ALK: variants seen among roughly 807,000 people sequenced by gnomAD.
The protein encoded by ALK is ALK receptor tyrosine kinase.
A neutral mutation model predicts 163.1 loss-of-function variants in ALK; 74 were observed. That is an observed-to-expected ratio of 0.45 (90% CI 0.38 to 0.55). ALK has a LOEUF of 0.55. ALK is among the 20% of genes least tolerant of loss of function. The pLI is 0.00. For synonymous variants in ALK, 960 were observed against 843.2 expected, an observed-to-expected ratio of 1.14 and a Z score of -2.40; for missense variants, 2,063 against 2,105.3, an observed-to-expected ratio of 0.98 and a Z score of 0.39.
chr2:29,363,912 G>A (rs979939489), intron 5 of ALK, among the ~76,000 whole-genome samples: 5 of 152,152 alleles, frequency 3.3e-5, no homozygotes, highest in African/African-American at 1.2e-4. Flanking sequence ...ATGGGCATGA[G>A]GTGGCATCCC....
intron 4 of ALK, among the ~76,000 whole-genome samples, chr2:29,414,320 A>C (rs1047850956): frequency 1.3e-5 from 2 of 152,244 alleles, no homozygotes; most frequent in Non-Finnish European, 1.5e-5. Flanking sequence ...TGACTTAAAA[A>C]TGCTAGAAGA....
At chr2:29,424,731 C>T (rs942982054) in intron 4 of ALK, among the ~76,000 whole-genome samples, 1 of 152,116 alleles carries the variant, frequency 6.6e-6, no homozygotes, top group African/African-American at 2.4e-5. Flanking sequence ...ACAACGGCAG[C>T]CTGATGGAGT....
At chr2:29,397,641 A>G (rs1032177153) in intron 4 of ALK, among the ~76,000 whole-genome samples, 2 of 152,360 alleles carry the variant, frequency 1.3e-5, no homozygotes, top group African/African-American at 2.4e-5. Context: ...TGGTGGACAG[A>G]CCAGCTGAGA....
chr2:29,595,685 A>C (rs1675193664), intron 3 of ALK, among the ~76,000 whole-genome samples: 1 of 152,168 alleles, frequency 6.6e-6, no homozygotes, highest in South Asian at 2.1e-4. Flanking sequence ...TCTCAATAAA[A>C]ACACATGGGA....
intron 1 of ALK, among the ~76,000 whole-genome samples, chr2:29,880,532 C>A (rs1281923378): frequency 6.6e-6 from 1 of 152,180 alleles, no homozygotes; most frequent in Non-Finnish European, 1.5e-5. Context: ...CTGTCACCCA[C>A]CCCCACTTAA....
chr2:29,691,838 T>A (rs907858858), intron 3 of ALK, among the ~76,000 whole-genome samples: 6 of 152,296 alleles, frequency 3.9e-5, no homozygotes, highest in Non-Finnish European at 5.9e-5. Context: ...AGCACAAACT[T>A]TCAAAGTTAT....
chr2:29,320,952 G>C (rs930561336), intron 6 of ALK, 70 bp from the exon 7 acceptor site: 1 of 1,601,856 alleles, frequency 6.2e-7, no homozygotes, highest in Non-Finnish European at 8.6e-7. Flanking sequence ...ATGCCAAGTC[G>C]AATTAGCCAG....
intron 3 of ALK, among the ~76,000 whole-genome samples, chr2:29,589,619 G>A (rs1451826740): frequency 6.6e-6 from 1 of 152,168 alleles, no homozygotes; most frequent in African/African-American, 2.4e-5. Context: ...CTCACAGCCT[G>A]CTGTCTTTAG....
chr2:29,417,685 T>C lies in ALK; in HGVS notation c.1155-33826A>G, dbSNP rs373871875. Among the ~76,000 whole-genome samples the C allele has an allele frequency of 1.1e-4, 16 of 152,340 alleles. No homozygotes were observed. The South Asian group carries it at 3.1e-3, about 30-fold the overall frequency. ...TAACCTACATCCTGTGATCACCAAGTGGACGGTTTCCTACCGAAATAAAAA... is the reference window on the plus strand; with the variant it reads ...TAACCTACATCCTGTGATCACCAAGCGGACGGTTTCCTACCGAAATAAAAA... On this transcript the variant is annotated intron_variant, in intron 4 of 28. Transcript: ENST00000389048.
chr2:29,471,056 C>T (rs994302909), intron 4 of ALK, among the ~76,000 whole-genome samples: 1 of 151,930 alleles, frequency 6.6e-6, no homozygotes, highest in Non-Finnish European at 1.5e-5. Flanking sequence ...TAATATATAA[C>T]TATATTTTAA....
chr2:29,346,371 C>A (rs1004096666), intron 5 of ALK, among the ~76,000 whole-genome samples: 11 of 152,150 alleles, frequency 7.2e-5, no homozygotes, highest in African/African-American at 2.4e-4. Flanking sequence ...TCATTCACAC[C>A]CCTGACCCAC....
chr2:29,794,395 A>T (rs1376819642), intron 1 of ALK, among the ~76,000 whole-genome samples: 7 of 152,010 alleles, frequency 4.6e-5, no homozygotes, highest in Admixed American at 4.6e-4. Flanking sequence ...GTTTTGCTTT[A>T]AAAAAAATCA....
chr2:29,424,801 C>G (rs1670096484), intron 4 of ALK, among the ~76,000 whole-genome samples: 1 of 152,172 alleles, frequency 6.6e-6, no homozygotes, highest in African/African-American at 2.4e-5. Flanking sequence ...CCAACATTTA[C>G]TAATGGTAAG....
chr2:29,573,726 C>T (rs60669942), intron 3 of ALK, among the ~76,000 whole-genome samples: 2 of 152,168 alleles, frequency 1.3e-5, no homozygotes, highest in Non-Finnish European at 2.9e-5. Flanking sequence ...TTTACAAAAA[C>T]AGCCAACTCC....
At chr2:29,522,227 G>C (rs1248157483) in intron 4 of ALK, among the ~76,000 whole-genome samples, 1 of 152,008 alleles carries the variant, frequency 6.6e-6, no homozygotes, top group Non-Finnish European at 1.5e-5. Context: ...ACTCTAGGCA[G>C]GTTACTTAAC....
intron 3 of ALK, among the ~76,000 whole-genome samples, chr2:29,693,089 G>T (rs1322516834): frequency 2.0e-5 from 3 of 152,072 alleles, no homozygotes; most frequent in African/African-American, 7.2e-5. Flanking sequence ...TAGGAGAGTG[G>T]TTACCTTGGA....
At chr2:29,339,132 ACTTG>A (rs1667714076) in intron 5 of ALK, among the ~76,000 whole-genome samples, 1 of 152,112 alleles carries the variant, frequency 6.6e-6, no homozygotes, top group South Asian at 2.1e-4. Context: ...AGTCCCAGCT[ACTTG>A]TGAGGCTGAG....
At chr2:29,413,271 TAA>T (rs985928657) in intron 4 of ALK, among the ~76,000 whole-genome samples, 7 of 152,194 alleles carry the variant, frequency 4.6e-5, no homozygotes, top group African/African-American at 1.7e-4. Context: ...TGTTTTACAG[TAA>T]ACTCTTTTCT....
At position 29,193,907 on chromosome 2, in the gene ALK, T is replaced by G. The variant is rs1292342168; in HGVS notation, c.4180A>C (p.Asn1394His). 1.2e-6 allele frequency: 2 copies of G among 1,614,094 alleles called. No individual in the cohort carries two copies. The highest frequency in any genetic ancestry group is 1.7e-6 in the Non-Finnish European group (2 of 1,180,048). The change falls in exon 29 of 29, where the codon AAC becomes CAC. Residue 1394 changes from asparagine (N) to histidine (H), a missense_variant. This residue lies in a region of ALK where 403 missense variants were observed against 366.2 expected (regional missense o/e 1.10). Coordinates refer to ENST00000389048, the MANE Select transcript of ALK (RefSeq NM_004304.5). ...EYCTQDPDVI[N>H]TALPIEYGPL... is the part of the protein sequence containing the mutation. ...CCATATTCTATCGGCAAAGCGGTGT[T>G]GATTACATCCGGGTCCTGCCGTAGG...
Sources: allele counts gnomAD v4.1 joint callset (sites outside exome capture counted in the v4.1 genomes callset), GRCh38; gene constraint gnomAD v4.1.1; regional missense constraint gnomAD v4.1.1; transcripts MANE v1.5; gene names NCBI Gene and HGNC (gene_info 2026-07-23, HGNC 2026-07-21).